The following COG6 variants were observed in gnomAD, a reference collection of about 807,000 sequenced individuals.
COG6 encodes the protein conserved oligomeric Golgi complex subunit 6.
Under a neutral mutation model 88.8 loss-of-function variants are expected in COG6, and 74 were observed. The ratio of observed to expected loss-of-function variants is 0.83; its 90% confidence interval spans 0.69 to 1.01. The LOEUF (loss-of-function observed/expected upper bound fraction) is 1.01, where lower values mean the gene tolerates loss of function less well. Among genes scored for constraint, COG6 ranks in the 50% least tolerant of loss-of-function variants. The pLI is 0.00. For missense variants in COG6, 800 were observed against 797.9 expected, an observed-to-expected ratio of 1.00 and a Z score of -0.03; for synonymous variants, 286 against 278.7, an observed-to-expected ratio of 1.03 and a Z score of -0.26.
chr13:39,661,293 TTTA>T (rs1874883710), intron 3 of COG6, among the ~76,000 whole-genome samples: 1 of 152,186 alleles, frequency 6.6e-6, no homozygotes, highest in Non-Finnish European at 1.5e-5. Flanking sequence ...TATGTATACT[TTTA>T]GGTCTTTTAA....
intron 3 of COG6, among the ~76,000 whole-genome samples, chr13:39,662,142 ATT>A (rs10629485): frequency 2.1e-4 from 28 of 130,618 alleles, no homozygotes; most frequent in Non-Finnish European, 3.5e-4. Flanking sequence ...TGTCCTTTGT[ATT>A]TTTTTTTTTT....
downstream of COG6, among the ~76,000 whole-genome samples, chr13:39,754,028 G>A (rs1880752736): frequency 6.6e-6 from 1 of 151,992 alleles, no homozygotes. Flanking sequence ...TCTATTTGTT[G>A]AACTCTCAGT....
intron 13 of COG6, among the ~76,000 whole-genome samples, chr13:39,710,035 T>C (rs894470103): frequency 2.0e-5 from 3 of 152,184 alleles, no homozygotes; most frequent in African/African-American, 7.2e-5. Context: ...TGTGCATTTT[T>C]AAAATAAAAA....
chr13:39,693,832 T>C (rs1203547053), intron 11 of COG6, among the ~76,000 whole-genome samples: 1 of 151,990 alleles, frequency 6.6e-6, no homozygotes, highest in Non-Finnish European at 1.5e-5. Context: ...GTTGTGTGTA[T>C]ACTGTTCTAC....
In COG6 at chr13:39,749,886, G is replaced by A. The variant is rs568251841; in HGVS notation, c.1827-1060G>A. Among the ~76,000 whole-genome samples the A allele has an allele frequency of 2.0e-5, 3 of 152,276 alleles. No individual in the cohort carries two copies. In the East Asian group the frequency reaches 5.8e-4, roughly 29 times the overall value. On this transcript the variant is annotated intron_variant, in intron 18 of 18. Coordinates refer to ENST00000455146, the MANE Select transcript of COG6 (RefSeq NM_020751.3). ...AGCTCTTTGAAAGCCCCAGGTAAGA[G>A]AGAGATGTGATAGAAAGTATGCCTC...
chr13:39,787,370 A>T (rs1222502997), intron 18 of COG6, among the ~76,000 whole-genome samples: 2 of 152,074 alleles, frequency 1.3e-5, no homozygotes, highest in Non-Finnish European at 2.9e-5. Context: ...GTATCAAGTG[A>T]TGTGTGTGTG....
At chr13:39,760,239 ATTG>A (rs1330868340) in intron 18 of COG6, among the ~76,000 whole-genome samples, 1 of 152,166 alleles carries the variant, frequency 6.6e-6, no homozygotes, top group African/African-American at 2.4e-5. Context: ...AGAGCTGGCC[ATTG>A]TTGTGCTAGC....
At chr13:39,773,148 A>G (rs1881366336) in intron 18 of COG6, among the ~76,000 whole-genome samples, 2 of 152,190 alleles carry the variant, frequency 1.3e-5, no homozygotes, top group African/African-American at 4.8e-5. Context: ...CCTCCATCCT[A>G]ATGCCAGGAA....
At chr13:39,705,183 T>C (rs563148656) in intron 13 of COG6, among the ~76,000 whole-genome samples, 1 of 152,306 alleles carries the variant, frequency 6.6e-6, no homozygotes, top group South Asian at 2.1e-4. Flanking sequence ...AATAGAATTT[T>C]AAGTGAATAG....
At chr13:39,706,380 G>A (rs920524540) in intron 13 of COG6, among the ~76,000 whole-genome samples, 9 of 149,506 alleles carry the variant, frequency 6.0e-5, no homozygotes. Context: ...TGGGCGAAGG[G>A]CCTTCTAAGA....
In COG6 at chr13:39,786,033, C is replaced by T. The variant is rs369379886; in HGVS notation, c.1827-2302C>T. On this transcript the variant is annotated intron_variant, in intron 18 of 18. Transcript: ENST00000416691. ...GGATAGAGCCCAGCAGTGCCTCAAC[C>T]GTATACATCCCTGGCTCAGGAAATC... Among the ~76,000 whole-genome samples, 34 of 152,254 alleles carry T rather than the reference C, an allele frequency of 2.2e-4. No homozygotes were observed. In the South Asian group the frequency reaches 5.8e-3, roughly 26 times the overall value.
At chr13:39,664,527 T>G (rs559337789) in intron 3 of COG6, among the ~76,000 whole-genome samples, 1 of 152,340 alleles carries the variant, frequency 6.6e-6, no homozygotes, top group African/African-American at 2.4e-5. Context: ...TTTGATCAAC[T>G]CTGGCTTAGG....
chr13:39,659,829 C>A lies in COG6; in HGVS notation c.297+322C>A, dbSNP rs6563737. Among the ~76,000 whole-genome samples the A allele has an allele frequency of 0.66, 100,368 of 151,910 alleles. 33,387 individuals carry two copies. Among genetic ancestry groups the A allele is most frequent in the Admixed American group, 0.77 (11,775 of 15,266 alleles). ...TAGAAATATCCCCTCATTGCATAAA[C>A]CTCTCTTGGATAACAACTTCTCTAC... On this transcript the variant is annotated intron_variant, in intron 2 of 18. Transcript: ENST00000455146.
At chr13:39,739,274 G>A (rs1471067819) in intron 18 of COG6, among the ~76,000 whole-genome samples, 1 of 151,874 alleles carries the variant, frequency 6.6e-6, no homozygotes, top group East Asian at 1.9e-4. Context: ...CAATGAATGT[G>A]GATAACTTAA....
rs780293531 is a variant in COG6, at chr13:39,777,659, G to T, written c.1827-10676G>T. Among the ~76,000 whole-genome samples the T allele has an allele frequency of 9.8e-4, 149 of 152,158 alleles. 1 individual carries two copies. The highest frequency in any genetic ancestry group is 1.8e-3 in the Non-Finnish European group (125 of 68,022). On this transcript the variant is annotated intron_variant, in intron 18 of 18. Coordinates refer to the COG6 transcript ENST00000416691. The stretch of plus-strand genomic sequence containing the variant: ...GTGAGGGATCACCAGTGTTGCAATC[G>T]CAGAGTCAGGTTAGCTCTTCTTGGT...
At chr13:39,701,232 A>G (rs538643293) in intron 13 of COG6, among the ~76,000 whole-genome samples, 2 of 151,842 alleles carry the variant, frequency 1.3e-5, no homozygotes, top group Non-Finnish European at 2.9e-5. Context: ...AATAATTCCT[A>G]GGCTAATCAC....
At chr13:39,775,941 A>G (rs901315994) in intron 18 of COG6, among the ~76,000 whole-genome samples, 2 of 151,878 alleles carry the variant, frequency 1.3e-5, no homozygotes, top group African/African-American at 2.4e-5. Context: ...GGCTAATTTC[A>G]TATTTTTAAT....
intron 4 of COG6, among the ~76,000 whole-genome samples, chr13:39,674,660 A>G (rs994620293): frequency 6.6e-6 from 1 of 152,192 alleles, no homozygotes; most frequent in African/African-American, 2.4e-5. Context: ...TAATAAATGG[A>G]GAATTTCAGA....
chr13:39,683,289 A>T (rs997341305), intron 8 of COG6, among the ~76,000 whole-genome samples: 10 of 152,210 alleles, frequency 6.6e-5, no homozygotes, highest in Non-Finnish European at 1.2e-4. Flanking sequence ...GTGTGGCTCA[A>T]GTATTCTGGT....
Sources: allele counts gnomAD v4.1 joint callset (sites outside exome capture counted in the v4.1 genomes callset), GRCh38; gene constraint gnomAD v4.1.1; transcripts MANE v1.5; gene names NCBI Gene and HGNC (gene_info 2026-07-23, HGNC 2026-07-21).